Variants in LYG1 observed in about 807,000 individuals in gnomAD.
LYG1 encodes lysozyme g1, also known as lysozyme g-like protein 1.
Under a neutral mutation model 21.7 loss-of-function variants are expected in LYG1, and 17 were observed. That is an observed-to-expected ratio of 0.78 (90% CI 0.54 to 1.18). LYG1 has a LOEUF of 1.18. LYG1 is among the 50% of genes most tolerant of loss of function. The pLI is 0.00. For missense variants in LYG1, 211 were observed against 238.1 expected, an observed-to-expected ratio of 0.89 and a Z score of 0.75; for synonymous variants, 81 against 87.4, an observed-to-expected ratio of 0.93 and a Z score of 0.41.
chr2:99,285,222 C>T (rs1385478712), intron 5 of LYG1, among the ~76,000 whole-genome samples: 1 of 151,776 alleles, frequency 6.6e-6, no homozygotes, highest in African/African-American at 2.4e-5. Context: ...ATTAGCTGGG[C>T]GTGGTGGTGT....
chr2:99,295,186 C>T (rs887668493), intron 3 of LYG1, among the ~76,000 whole-genome samples: 3 of 152,226 alleles, frequency 2.0e-5, no homozygotes, highest in African/African-American at 7.2e-5. Context: ...TCAATCACAG[C>T]AACTAAATCA....
chr2:99,299,896 C>A (rs2094149145), intron 1 of LYG1, among the ~76,000 whole-genome samples: 1 of 151,576 alleles, frequency 6.6e-6, no homozygotes. Context: ...TTCTAATCTT[C>A]TCCCTCCCTA....
intron 5 of LYG1, among the ~76,000 whole-genome samples, chr2:99,289,324 G>T (rs760420658): frequency 2.5e-4 from 38 of 152,026 alleles, no homozygotes; most frequent in Non-Finnish European, 5.9e-5. Flanking sequence ...GCCAGGCATG[G>T]TGGTGCATGC....
At position 99,284,381 on chromosome 2, in the gene LYG1, T is replaced by G; in HGVS notation, c.*12A>C. On this transcript the variant is annotated 3_prime_UTR_variant, in exon 7 of 7. Transcript: ENST00000308528. ...GCATATGTGATCATGGTCTTGGGTT[T>G]CATCTGAGATGTTAGAAGCCATGTC... is the stretch of plus-strand genomic sequence containing the variant. The G allele has an allele frequency of 6.2e-7, 1 of 1,611,950 alleles. No homozygotes were observed. The highest frequency in any genetic ancestry group is 1.7e-5 in the Admixed American group (1 of 59,978).
At chr2:99,285,521 C>T (rs2105288207) in intron 5 of LYG1, among the ~76,000 whole-genome samples, 1 of 152,334 alleles carries the variant, frequency 6.6e-6, no homozygotes, top group East Asian at 1.9e-4. Flanking sequence ...AAGCACACTC[C>T]TGGGTGGAGA....
In LYG1 at chr2:99,292,630, T is replaced by C. The variant is rs1574884733; in HGVS notation, c.54A>G (p.Glu18=). 6.2e-7 allele frequency: 1 copy of C among 1,613,370 alleles called. No individual in the cohort carries two copies. The change falls in exon 4 of 7, where the codon GAA becomes GAG. Residue 18 remains glutamate (E), a synonymous_variant. Transcript: ENST00000308528. Reference sequence around the variant, plus strand: ...TTCCATAGCATCCCCAGTTGCTGCTTTCAGACAAGTCTACAAGTTGAGAAA... The same window carrying C: ...TTCCATAGCATCCCCAGTTGCTGCTCTCAGACAAGTCTACAAGTTGAGAAA... ...LGLLALMDLS[E]SSNWGCYGNI...
intron 3 of LYG1, among the ~76,000 whole-genome samples, chr2:99,294,342 A>G (rs1187520615): frequency 6.6e-6 from 1 of 152,212 alleles, no homozygotes; most frequent in Non-Finnish European, 1.5e-5. Context: ...GTTTACATAA[A>G]TGCATTTTCA....
intron 2 of LYG1, among the ~76,000 whole-genome samples, chr2:99,296,428 C>G (rs966210708): frequency 6.6e-6 from 1 of 152,172 alleles, no homozygotes; most frequent in Non-Finnish European, 1.5e-5. Flanking sequence ...AGAATGAACA[C>G]GTGGCCAACA....
intron 5 of LYG1, among the ~76,000 whole-genome samples, chr2:99,287,423 G>T (rs2094103480): frequency 6.6e-6 from 1 of 152,024 alleles, no homozygotes; most frequent in Admixed American, 6.6e-5. Context: ...ATAACTAAAG[G>T]GTACAGGCTT....
chr2:99,303,987 C>T (rs563992293), upstream of LYG1, among the ~76,000 whole-genome samples: 2 of 152,236 alleles, frequency 1.3e-5, no homozygotes, highest in South Asian at 4.1e-4. Context: ...CTGGCTAACA[C>T]AGTGAAACCC....
At chr2:99,301,762 G>A (rs1190601403), upstream of LYG1, among the ~76,000 whole-genome samples, 2 of 150,666 alleles carry the variant, frequency 1.3e-5, no homozygotes, top group African/African-American at 2.4e-5. Context: ...CCCTAGGGCC[G>A]TAGGTTGCTG....
chr2:99,289,541 C>T (rs989287122), intron 5 of LYG1, among the ~76,000 whole-genome samples: 3 of 151,948 alleles, frequency 2.0e-5, no homozygotes, highest in African/African-American at 7.3e-5. Context: ...AGTCAAGTTA[C>T]AAGGTTTGGG....
rs915072612 is a variant in LYG1, at chr2:99,284,345, C to T, written c.*48G>A. 14 of 1,545,892 alleles carry T rather than the reference C, an allele frequency of 9.1e-6. No homozygotes were observed. Among genetic ancestry groups the T allele is most frequent in the Admixed American group, 8.5e-5 (5 of 58,652 alleles). ...CCCTTGGCTAGTTTTATCTGTGTAA[C>T]ATTTGAGGCTGCATATGTGATCATG... On this transcript the variant is annotated 3_prime_UTR_variant, in exon 7 of 7. Coordinates refer to ENST00000308528, the MANE Select transcript of LYG1 (RefSeq NM_174898.3).
At chr2:99,304,485 A>C (rs753229276), upstream of LYG1, among the ~76,000 whole-genome samples, 1 of 152,210 alleles carries the variant, frequency 6.6e-6, no homozygotes, top group Non-Finnish European at 1.5e-5. Flanking sequence ...AAAGTGGCTA[A>C]GAGAAAAAGG....
chr2:99,303,016 G>GAAAAAAAAAA (rs60429754), upstream of LYG1, among the ~76,000 whole-genome samples: 1 of 136,376 alleles, frequency 7.3e-6, no homozygotes, highest in African/African-American at 2.7e-5. Context: ...GCCTCCATCT[G>GAAAAAAAAAA]AAAAAAAAAA....
Position 99,284,371 on chromosome 2 carries a change from G to A in LYG1, c.*22C>T. 1 of 1,605,828 alleles carries A rather than the reference G, an allele frequency of 6.2e-7. No individual in the cohort carries two copies. Reference sequence around the variant, plus strand: ...ATTTGAGGCTGCATATGTGATCATGGTCTTGGGTTTCATCTGAGATGTTAG... The same window carrying A: ...ATTTGAGGCTGCATATGTGATCATGATCTTGGGTTTCATCTGAGATGTTAG... On this transcript the variant is annotated 3_prime_UTR_variant, in exon 7 of 7. Transcript: ENST00000308528.
upstream of LYG1, among the ~76,000 whole-genome samples, chr2:99,302,639 G>T (rs2094157922): frequency 6.6e-6 from 1 of 152,216 alleles, no homozygotes; most frequent in Non-Finnish European, 1.5e-5. Flanking sequence ...TTTACGGAAT[G>T]AGTAAATGAA....
At chr2:99,300,522 C>T (rs137983828) in intron 1 of LYG1, among the ~76,000 whole-genome samples, 2,114 of 152,274 alleles carry the variant, frequency 0.014, 54 homozygotes, top group African/African-American at 0.048. Context: ...AGTCTGTTAG[C>T]CGAGGCTGTT....
chr2:99,286,305 G>GT (rs1292760468), intron 5 of LYG1, among the ~76,000 whole-genome samples: 2 of 152,218 alleles, frequency 1.3e-5, no homozygotes. Context: ...ACTAGGGTTG[G>GT]TGAGGATGTA....
Sources: allele counts gnomAD v4.1 joint callset (sites outside exome capture counted in the v4.1 genomes callset), GRCh38; gene constraint gnomAD v4.1.1; transcripts MANE v1.5; gene names NCBI Gene and HGNC (gene_info 2026-07-23, HGNC 2026-07-21).